Variants in CEP72 observed in about 807,000 individuals in gnomAD.
CEP72 encodes centrosomal protein 72, also known as centrosomal protein of 72 kDa.
CEP72 carries 78 observed loss-of-function variants against 65.7 expected under a neutral mutation model. That is an observed-to-expected ratio of 1.19 (90% confidence interval 0.99 to 1.43). The LOEUF is 1.43. CEP72 is among the 40% of genes most tolerant of loss of function. The probability of loss-of-function intolerance (pLI) is 0.00; values close to 1 mark genes in which losing one functional copy is unlikely to be tolerated. For missense variants in CEP72, 914 were observed against 832.9 expected (o/e 1.10, Z -1.20); for synonymous variants, 358 against 351.7 (o/e 1.02, Z -0.20).
At chr5:674,024 G>T in the CEP72 span, among the ~76,000 whole-genome samples, 1 of 152,360 alleles carries the variant, frequency 6.6e-6, no homozygotes, top group African/African-American at 2.4e-5. Flanking sequence ...ATCACAGCCG[G>T]CACTGCACTT....
At chr5:651,724 A>C (rs549012063) in intron 11 of CEP72, among the ~76,000 whole-genome samples, 64 of 152,124 alleles carry the variant, frequency 4.2e-4, no homozygotes, top group African/African-American at 1.5e-3. Context: ...AGGCAAGGAC[A>C]GGTCGCTCTG....
At chr5:648,250 G>A (rs1223659593) in intron 11 of CEP72, among the ~76,000 whole-genome samples, 2 of 148,656 alleles carry the variant, frequency 1.3e-5, no homozygotes, top group Non-Finnish European at 3.0e-5. Context: ...TGTGGGCTGT[G>A]AGGTATCAAC....
chr5:672,547 G>T, the CEP72 span, among the ~76,000 whole-genome samples: 1 of 152,362 alleles, frequency 6.6e-6, no homozygotes, highest in South Asian at 2.1e-4. Context: ...GGACCCATAG[G>T]GGGCCAGTGA....
chr5:651,988 C>T (rs964466430), intron 11 of CEP72, among the ~76,000 whole-genome samples: 1 of 152,156 alleles, frequency 6.6e-6, no homozygotes, highest in Non-Finnish European at 1.5e-5. Flanking sequence ...CCCATGGGGC[C>T]CATCACAGGT....
downstream of CEP72, chr5:653,667 A>G (rs142948786): frequency 3.9e-5 from 6 of 152,424 alleles, no homozygotes; most frequent in African/African-American, 1.2e-4. Context: ...TCAAAGACTT[A>G]ACACAAGTGA....
chr5:673,185 C>A, the CEP72 span, among the ~76,000 whole-genome samples: 1 of 152,348 alleles, frequency 6.6e-6, no homozygotes, highest in East Asian at 1.9e-4. Flanking sequence ...GCCGCCACCA[C>A]CCCTTGCTTT....
At chr5:612,530 A>C (rs1735737222) in intron 1 of CEP72, 87 bp downstream of exon 1, 2 of 1,305,074 alleles carry the variant, frequency 1.5e-6, no homozygotes, top group Non-Finnish European at 1.9e-6. Flanking sequence ...GACCGTGGGC[A>C]GGCGGGACCC....
intron 4 of CEP72, among the ~76,000 whole-genome samples, chr5:626,931 A>T (rs374072099): frequency 6.6e-6 from 1 of 152,258 alleles, no homozygotes. Flanking sequence ...CTGATTTTTT[A>T]AATTGAGGAT....
intron 4 of CEP72, among the ~76,000 whole-genome samples, chr5:626,720 G>C (rs563471998): frequency 1.3e-5 from 2 of 152,198 alleles, no homozygotes; most frequent in Admixed American, 1.3e-4. Context: ...CCAGCTACTC[G>C]GGAGGCAGGA....
downstream of CEP72, among the ~76,000 whole-genome samples, chr5:655,043 G>T (rs918102137): frequency 6.6e-6 from 1 of 152,166 alleles, no homozygotes; most frequent in Non-Finnish European, 1.5e-5. This position sits in a 1 kb window ranked among gnomAD's most constrained non-coding sequence, Gnocchi z 5.0. Flanking sequence ...TTTTATATCA[G>T]AAATTAGGTA....
chr5:640,941 G>A (rs1737973941), intron 9 of CEP72: 1 of 985,468 alleles, frequency 1.0e-6, no homozygotes, highest in Non-Finnish European at 1.2e-6. Flanking sequence ...CCTCGAACTG[G>A]GGAAAACCGA....
intron 9 of CEP72, chr5:643,184 G>A (rs1482629861): frequency 1.9e-5 from 19 of 982,766 alleles, no homozygotes; most frequent in South Asian, 9.4e-5. Context: ...TAGTTTGTGC[G>A]ACAGAGGGAG....
chr5:628,017 G>A (rs1736865432), intron 4 of CEP72, among the ~76,000 whole-genome samples: 1 of 152,224 alleles, frequency 6.6e-6, no homozygotes, highest in African/African-American at 2.4e-5. Context: ...CAGACATGGA[G>A]CGCCACTGCA....
the CEP72 span, among the ~76,000 whole-genome samples, chr5:674,207 A>G: frequency 1.3e-5 from 2 of 152,298 alleles, no homozygotes; most frequent in South Asian, 4.1e-4. Context: ...TGGAACACAC[A>G]TTGGGCGGCA....
intron 4 of CEP72, 77 bp from the exon 5 acceptor site, chr5:633,692 T>C (rs1579972356): frequency 2.0e-5 from 29 of 1,421,036 alleles, no homozygotes; most frequent in Non-Finnish European, 2.7e-5. Context: ...GTGCAGGAAT[T>C]TTCCTTCTCC....
Position 635,369 on chromosome 5 carries a change from T to C in CEP72, c.692-3T>C, listed in dbSNP as rs1737516319. On this transcript the variant is annotated splice_region_variant and splice_polypyrimidine_tract_variant and intron_variant, in intron 5 of 11. Coordinates refer to ENST00000264935, the MANE Select transcript of CEP72 (RefSeq NM_018140.4). ...AAATATTTTATTTACAATATTTTAA[T>C]AGAATCCAGACATCTGTTGAGCCCG... 1 of 1,582,446 alleles carries C rather than the reference T, an allele frequency of 6.3e-7. No individual in the cohort carries two copies. The highest frequency in any genetic ancestry group is 1.1e-5 in the South Asian group (1 of 88,324).
intron 1 of CEP72, among the ~76,000 whole-genome samples, chr5:616,688 G>C (rs936154364): frequency 6.6e-6 from 1 of 152,114 alleles, no homozygotes; most frequent in African/African-American, 2.4e-5. Context: ...GACCCTACTG[G>C]CTGGGAGAGT....
chr5:633,978 G>A (rs1232860972), intron 5 of CEP72, 31 bp downstream of exon 5: 1 of 1,602,284 alleles, frequency 6.2e-7, no homozygotes, highest in South Asian at 1.1e-5. Flanking sequence ...GAGGCCAGTG[G>A]GTCCGCTGGC....
downstream of CEP72, among the ~76,000 whole-genome samples, chr5:669,721 G>A (rs1005516155): frequency 6.6e-6 from 1 of 152,036 alleles, no homozygotes; most frequent in African/African-American, 2.4e-5. Flanking sequence ...CACCTGCTCT[G>A]CGCGCTCCCC....
Sources: gnomAD v4.1 joint callset for allele counts (sites outside exome capture counted in the v4.1 genomes callset) on GRCh38, gnomAD v4.1.1 for gene constraint, Gnocchi (gnomAD v3.1) non-coding constraint, MANE v1.5 for transcripts, NCBI Gene and HGNC (gene_info 2026-07-23, HGNC 2026-07-21) for gene names.